Variants in EEF2 observed in about 807,000 individuals in gnomAD.
EEF2 encodes elongation factor 2.
A neutral mutation model predicts 85.3 loss-of-function variants in EEF2; 21 were observed. The observed-to-expected ratio is 0.25, with a 90% CI of 0.17 to 0.35. The LOEUF (loss-of-function observed/expected upper bound fraction) is 0.35. Ranked by LOEUF, EEF2 falls within the 10% of genes least tolerant of loss-of-function variation. The probability of loss-of-function intolerance (pLI) is 1.00; values close to 1 mark genes in which losing one functional copy is unlikely to be tolerated. For synonymous variants in EEF2, 723 were observed against 508.8 expected (o/e 1.42, Z -5.67); for missense variants, 825 against 1,225.3 (o/e 0.67, Z 4.88).
chr19:3,977,905 T>A lies in EEF2; in HGVS notation c.1981A>T (p.Ile661Phe), dbSNP rs1474997362. The A allele has an allele frequency of 6.2e-7, 1 of 1,613,646 alleles. No individual in the cohort carries two copies. Among genetic ancestry groups the A allele is most frequent in the Non-Finnish European group, 8.5e-7 (1 of 1,179,946 alleles). Residue 661 changes from isoleucine to phenylalanine, a missense_variant, in exon 12 of 15, where the codon ATC becomes TTC. Coordinates refer to ENST00000309311, the MANE Select transcript of EEF2 (RefSeq NM_001961.4). The surrounding 1 kb of genome is among the most constrained non-coding windows in gnomAD (Gnocchi z 5.4). ...CFGPDGTGPN[I>F]LTDITKGVQY... is the part of the protein sequence containing the mutation. ...ACACCCTTGGTGATGTCGGTGAGGATGTTGGGGCCGGTGCCGTCGGGCCCA... is the reference window on the plus strand; with the variant it reads ...ACACCCTTGGTGATGTCGGTGAGGAAGTTGGGGCCGGTGCCGTCGGGCCCA...
chr19:3,981,387 G>T lies in EEF2; in HGVS notation c.963C>A (p.Ile321=). The T allele has an allele frequency of 6.2e-7, 1 of 1,614,248 alleles. No homozygotes were observed. The highest frequency in any genetic ancestry group is 1.3e-5 in the African/African-American group (1 of 75,068). Residue 321 remains isoleucine, a synonymous_variant, in exon 7 of 15, where the codon ATC becomes ATA. Transcript: ENST00000309311. ...TGTCCTTGTCCTCGCTGTCCAGTTT[G>T]ATGTCCAGTTTCTCTATCAGTTTTG... ...ETAKLIEKLD[I]KLDSEDKDKE... is the part of the protein sequence containing the mutation.
At chr19:3,976,891 G>GGGCCTAGCA in intron 14 of EEF2, 144 bp from the exon 15 acceptor site, 1 of 1,042,032 alleles carries the variant, frequency 9.6e-7, no homozygotes, top group Non-Finnish European at 1.3e-6. Flanking sequence ...ACTTCACGAA[G>GGGCCTAGCA]GGCCTAGCAG....
chr19:3,979,135 AAAC>A (rs577496701), intron 11 of EEF2, among the ~76,000 whole-genome samples, 191 bp downstream of exon 11: 210 of 152,250 alleles, frequency 1.4e-3, no homozygotes, highest in East Asian at 7.5e-3. Flanking sequence ...ATCTCAAAAA[AAAC>A]AACAACAACA....
At chr19:3,980,435 C>T (rs2039731162) in intron 9 of EEF2, 79 bp downstream of exon 9, 6 of 1,494,838 alleles carry the variant, frequency 4.0e-6, no homozygotes, top group South Asian at 2.6e-5. Flanking sequence ...TTCTAGCTCC[C>T]GACTGAGGAG....
In EEF2 at chr19:3,985,320, TAGGCCCCGCGG is replaced by T. The variant is rs1181421217; in HGVS notation, c.3+47_3+57del. 30 of 1,405,322 alleles carry T rather than the reference TAGGCCCCGCGG, an allele frequency of 2.1e-5. 1 individual carries two copies. Among genetic ancestry groups the T allele is most frequent in the East Asian group, 1.1e-4 (4 of 35,726 alleles). The allele number at this position is 1,405,322 out of a possible 1,614,324, so 87.1% of individuals were successfully genotyped here. On this transcript the variant is annotated intron_variant, in intron 1 of 14. Coordinates refer to ENST00000309311, the MANE Select transcript of EEF2 (RefSeq NM_001961.4). ...CCCCAGCGTCCCAGGCTAGGCAGCGTAGGCCCCGCGGAGGCCCCGCCGCCGCTCCGGGGCAC... is the reference window on the plus strand; with the variant it reads ...CCCCAGCGTCCCAGGCTAGGCAGCGTAGGCCCCGCCGCCGCTCCGGGGCAC...
intron 14 of EEF2, among the ~76,000 whole-genome samples, chr19:3,976,956 C>A (rs113337627): frequency 2.0e-5 from 3 of 152,196 alleles, no homozygotes; most frequent in African/African-American, 7.2e-5. Context: ...TGCTACAGCT[C>A]GGCTGCTCTA....
intron 4 of EEF2, 105 bp from the exon 5 acceptor site, chr19:3,982,529 G>A (rs940522626): frequency 7.1e-7 from 1 of 1,400,030 alleles, no homozygotes; most frequent in Non-Finnish European, 1.0e-6. Flanking sequence ...GCTTTCTTCA[G>A]TAGACATCTG....
At chr19:3,985,159 G>C in intron 1 of EEF2, 1 of 449,732 alleles carries the variant, frequency 2.2e-6, no homozygotes, top group Non-Finnish European at 3.8e-6. Context: ...AACCAGGTCT[G>C]GGCAAGGTTA....
chr19:3,983,313 C>G (rs778093264), intron 2 of EEF2, 22 bp from the exon 3 acceptor site: 1 of 1,607,264 alleles, frequency 6.2e-7, no homozygotes, highest in South Asian at 1.1e-5. Flanking sequence ...AGGGACTCGT[C>G]AGGGGGACAG....
rs146572173 is a variant in EEF2, at chr19:3,984,381, C to G, written c.4-31G>C. The G allele has an allele frequency of 1.6e-3, 2,590 of 1,605,914 alleles. 2 individuals are homozygous for G. Among genetic ancestry groups the G allele is most frequent in the Non-Finnish European group, 1.8e-3 (2,152 of 1,173,096 alleles). ...CAAGACAAGGAGGCTCAGACCAGCTCGTGATTTCCAGGAACACAGCATGGC... is the reference window on the plus strand; with the variant it reads ...CAAGACAAGGAGGCTCAGACCAGCTGGTGATTTCCAGGAACACAGCATGGC... On this transcript the variant is annotated intron_variant, in intron 1 of 14. Transcript: ENST00000309311.
chr19:3,979,634 G>C (rs1156784364), intron 10 of EEF2, among the ~76,000 whole-genome samples, 174 bp downstream of exon 10: 2 of 152,260 alleles, frequency 1.3e-5, no homozygotes, highest in African/African-American at 4.8e-5. Context: ...CAGCCTAGGA[G>C]AGGGTGGTGG....
Position 3,982,072 on chromosome 19 carries a change from C to T in EEF2, c.792-20G>A. 6.2e-7 allele frequency: 1 copy of T among 1,613,520 alleles called. No homozygotes were observed. The highest frequency in any genetic ancestry group is 8.5e-7 in the Non-Finnish European group (1 of 1,179,478). ...AAGTACCTGGCAAGGAGAGGCCAAG[C>T]CAAATCAAGTTAGGGTCTCCAGGGG... On this transcript the variant is annotated intron_variant, in intron 5 of 14. Transcript: ENST00000309311.
intron 8 of EEF2, 58 bp from the exon 9 acceptor site, chr19:3,980,767 C>G: frequency 1.3e-6 from 2 of 1,596,754 alleles, no homozygotes; most frequent in Non-Finnish European, 1.7e-6. Flanking sequence ...CTTCTGGAAC[C>G]CTGCAACCCA....
At chr19:3,981,536 GGTC>G in intron 6 of EEF2, 84 bp from the exon 7 acceptor site, 1 of 1,281,598 alleles carries the variant, frequency 7.8e-7, no homozygotes, top group South Asian at 1.2e-5. Context: ...GGAAGACTCA[GGTC>G]AGCGCAGGGG....
intron 7 of EEF2, 92 bp from the exon 8 acceptor site, chr19:3,981,071 A>G (rs1030357030): frequency 6.7e-6 from 10 of 1,489,344 alleles, no homozygotes; most frequent in Admixed American, 6.7e-5. Context: ...CAAGGAAGCC[A>G]AAGTCAGGAC....
chr19:3,985,083 GC>G, intron 1 of EEF2: 1 of 378,364 alleles, frequency 2.6e-6, no homozygotes, highest in Non-Finnish European at 4.7e-6. Context: ...CCACCGCGGT[GC>G]CCGCCATTAC....
At chr19:3,982,604 G>C (rs755687519) in intron 4 of EEF2, 180 bp from the exon 5 acceptor site, 1 of 1,055,264 alleles carries the variant, frequency 9.5e-7, no homozygotes, top group African/African-American at 1.6e-5. Context: ...ACCCAGGGCA[G>C]CGTTCCCTGA....
Position 3,977,183 on chromosome 19 carries a change from G to A in EEF2, c.2383+32C>T, listed in dbSNP as rs764509324. On this transcript the variant is annotated intron_variant, in intron 14 of 14. Transcript: ENST00000309311. This position sits in a 1 kb window ranked among gnomAD's most constrained non-coding sequence, Gnocchi z 5.4. ...TTCTGTCCCCCAAACCAGCCTGCCA[G>A]GCTCTGCAGGCCACACCGGGCAGGC... is the stretch of plus-strand genomic sequence containing the variant. 4.7e-5 allele frequency: 76 copies of A among 1,604,366 alleles called. No homozygotes were observed. Among genetic ancestry groups the A allele is most frequent in the Non-Finnish European group, 6.0e-5 (71 of 1,173,932 alleles).
chr19:3,979,290 G>T, intron 11 of EEF2, 39 bp downstream of exon 11: 2 of 1,542,690 alleles, frequency 1.3e-6, no homozygotes, highest in South Asian at 1.1e-5. Context: ...GCAGGTGTCC[G>T]GGGTGGGGCG....
Sources: gnomAD v4.1 joint callset for allele counts (sites outside exome capture counted in the v4.1 genomes callset) on GRCh38, gnomAD v4.1.1 for gene constraint, Gnocchi (gnomAD v3.1) non-coding constraint, MANE v1.5 for transcripts, NCBI Gene and HGNC (gene_info 2026-07-23, HGNC 2026-07-21) for gene names.